Variants in HNRNPM observed in about 807,000 individuals in gnomAD.
HNRNPM encodes heterogeneous nuclear ribonucleoprotein M.
Under a neutral mutation model 73.1 loss-of-function variants are expected in HNRNPM, and 11 were observed. The ratio of observed to expected loss-of-function variants is 0.15; its 90% CI spans 0.09 to 0.25. The LOEUF (loss-of-function observed/expected upper bound fraction) is 0.25, where lower values mean the gene tolerates loss of function less well. Among genes scored for constraint, HNRNPM ranks in the 10% least tolerant of loss-of-function variants. The probability of loss-of-function intolerance (pLI) is 1.00; values close to 1 mark genes in which losing one functional copy is unlikely to be tolerated. For missense variants in HNRNPM, 789 were observed against 1,067.9 expected, an observed-to-expected ratio of 0.74 and a Z score of 3.64; for synonymous variants, 407 against 355.2, an observed-to-expected ratio of 1.15 and a Z score of -1.64.
intron 5 of HNRNPM, 88 bp downstream of exon 5, chr19:8,463,774 A>C (rs1318181688): frequency 3.4e-6 from 3 of 879,382 alleles, no homozygotes; most frequent in African/African-American, 1.7e-5. Context: ...ATGGTCCCAG[A>C]CGGCATTTAC....
intron 11 of HNRNPM, 116 bp downstream of exon 11, chr19:8,473,824 T>C: frequency 1.4e-6 from 1 of 737,552 alleles, no homozygotes; most frequent in Non-Finnish European, 2.3e-6. Context: ...TCAGTTTGAG[T>C]CTAGAAATGA....
At chr19:8,453,145 T>C (rs1013188845) in intron 1 of HNRNPM, among the ~76,000 whole-genome samples, 5 of 151,744 alleles carry the variant, frequency 3.3e-5, no homozygotes, top group Non-Finnish European at 5.9e-5. Flanking sequence ...GTGAATACTT[T>C]TGTTTGTTTG....
At chr19:8,463,395 C>T in intron 3 of HNRNPM, 102 bp from the exon 4 acceptor site, 2 of 1,288,508 alleles carry the variant, frequency 1.6e-6, no homozygotes, top group Middle Eastern at 1.9e-4. Flanking sequence ...TGACATAAAT[C>T]ATATTTTTAG....
intron 1 of HNRNPM, among the ~76,000 whole-genome samples, chr19:8,450,541 A>G (rs1968533671): frequency 6.6e-6 from 1 of 151,696 alleles, no homozygotes; most frequent in Non-Finnish European, 1.5e-5. Flanking sequence ...TTCTGAGTAA[A>G]TAGGACCACA....
chr19:8,466,182 G>A, intron 6 of HNRNPM, 53 bp from the exon 7 acceptor site: 1 of 1,527,256 alleles, frequency 6.5e-7, no homozygotes, highest in Non-Finnish European at 8.9e-7. Flanking sequence ...TAAAAATGTT[G>A]TGTTTCTTAA....
chr19:8,449,123 A>G (rs1968433863), intron 1 of HNRNPM, among the ~76,000 whole-genome samples: 1 of 152,240 alleles, frequency 6.6e-6, no homozygotes, highest in Non-Finnish European at 1.5e-5. Flanking sequence ...TGTTTATTCA[A>G]AAAGGATTTT....
At chr19:8,463,768 TC>T in intron 5 of HNRNPM, 82 bp downstream of exon 5, 1 of 927,720 alleles carries the variant, frequency 1.1e-6, no homozygotes, top group Non-Finnish European at 1.7e-6. Flanking sequence ...ACGGTCATGG[TC>T]CCAGACGGCA....
intron 12 of HNRNPM, among the ~76,000 whole-genome samples, chr19:8,476,504 T>A (rs907272424): frequency 6.6e-6 from 1 of 151,826 alleles, no homozygotes; most frequent in Non-Finnish European, 1.5e-5. Flanking sequence ...ATCAAAAGAT[T>A]GTTAAATGTC....
At chr19:8,475,751 AT>A (rs1027734656) in intron 12 of HNRNPM, among the ~76,000 whole-genome samples, 6 of 152,134 alleles carry the variant, frequency 3.9e-5, no homozygotes, top group African/African-American at 1.4e-4. Context: ...AGTTTCAGAA[AT>A]CTGGCTTGGT....
rs377522694 is a variant in HNRNPM, at chr19:8,463,573, G to A, written c.345-20G>A. 3.7e-6 allele frequency: 6 copies of A among 1,612,458 alleles called. No homozygotes were observed. The highest frequency in any genetic ancestry group is 1.6e-4 in the Middle Eastern group (1 of 6,082). ...TTGTAGGACTGGTTTCACTCGACTCGTTTCCTTTTGACTCTATAGTGTTGT... is the reference window on the plus strand; with the variant it reads ...TTGTAGGACTGGTTTCACTCGACTCATTTCCTTTTGACTCTATAGTGTTGT... On this transcript the variant is annotated intron_variant, in intron 4 of 15. Coordinates refer to ENST00000325495, the MANE Select transcript of HNRNPM (RefSeq NM_005968.5).
intron 2 of HNRNPM, among the ~76,000 whole-genome samples, chr19:8,460,714 G>A (rs751682032): frequency 3.3e-5 from 5 of 152,232 alleles, no homozygotes; most frequent in African/African-American, 4.8e-5. Flanking sequence ...ACTGGGACTT[G>A]AATTTCGGCA....
rs1462715017 is a variant in HNRNPM, at chr19:8,454,687, T to C, written c.114-718T>C. ...CATCATTTTATGCCCCCCCCCCCTTTTTTTTTTTAACACTATGAAAGACAC... is the reference window on the plus strand; with the variant it reads ...CATCATTTTATGCCCCCCCCCCCTTCTTTTTTTTAACACTATGAAAGACAC... On this transcript the variant is annotated intron_variant, in intron 1 of 15. Coordinates refer to ENST00000325495, the MANE Select transcript of HNRNPM (RefSeq NM_005968.5). 9.1e-3 allele frequency among the ~76,000 whole-genome samples: 730 copies of C among 79,858 alleles called. 13 individuals carry two copies. Among genetic ancestry groups the C allele is most frequent in the African/African-American group, 0.023 (641 of 27,970 alleles). The allele number at this position is 79,858 out of a possible 152,430, so 52.4% of individuals were successfully genotyped here. A position where few individuals can be genotyped will look rare whatever the true frequency, so the allele number is the denominator to read the frequency against.
At chr19:8,474,339 T>G in intron 12 of HNRNPM, 95 bp downstream of exon 12, 1 of 708,854 alleles carries the variant, frequency 1.4e-6, no homozygotes, top group Non-Finnish European at 2.2e-6. Context: ...AATAAGTGGT[T>G]TCTCACTTCT....
intron 2 of HNRNPM, among the ~76,000 whole-genome samples, chr19:8,460,816 T>G (rs566743319): frequency 1.3e-4 from 20 of 152,312 alleles, no homozygotes; most frequent in East Asian, 1.2e-3. Context: ...GAAATCAACT[T>G]GGGGCCTCTT....
chr19:8,476,535 A>G (rs1259818138), intron 12 of HNRNPM, among the ~76,000 whole-genome samples: 4 of 150,528 alleles, frequency 2.7e-5, no homozygotes, highest in Non-Finnish European at 5.9e-5. Flanking sequence ...GGTGGCTCAC[A>G]CCTGTAATCC....
At chr19:8,488,628 C>G in intron 15 of HNRNPM, 63 bp from the exon 16 acceptor site, 1 of 1,505,958 alleles carries the variant, frequency 6.6e-7, no homozygotes, top group Non-Finnish European at 9.1e-7. Context: ...CTTTTTGACT[C>G]TGTCCACCAA....
chr19:8,486,389 A>G lies in HNRNPM; in HGVS notation c.1961A>G (p.Gln654Arg). ...HAPGVARKAC[Q>R]IFVRNLPFDF... ...CCTGGGGTGGCCAGGAAGGCCTGCC[A>G]GATATTTGTGAGAAATGTAAGTGGC... The change falls in exon 14 of 16, where the codon CAG becomes CGG. Residue 654 changes from glutamine (Q) to arginine (R), a missense_variant. Transcript: ENST00000325495. The G allele has an allele frequency of 6.4e-7, 1 of 1,567,918 alleles. No homozygotes were observed. Among genetic ancestry groups the G allele is most frequent in the Non-Finnish European group, 8.6e-7 (1 of 1,163,418 alleles).
intron 7 of HNRNPM, 84 bp downstream of exon 7, chr19:8,466,472 G>GACTGTGTGTATTC (rs58164016): frequency 0.027 from 35,171 of 1,322,568 alleles, 764 homozygotes; most frequent in Non-Finnish European, 0.03. Context: ...AGGAAGAGGT[G>GACTGTGTGTATTC]ACTGTGTGTA....
At chr19:8,468,070 T>C (rs531063919) in intron 8 of HNRNPM, among the ~76,000 whole-genome samples, 1 of 152,322 alleles carries the variant, frequency 6.6e-6, no homozygotes, top group Admixed American at 6.5e-5. Context: ...TCATGGCAGC[T>C]CTTGACTGCA....
Sources: gnomAD v4.1 joint callset for allele counts (sites outside exome capture counted in the v4.1 genomes callset) on GRCh38, gnomAD v4.1.1 for gene constraint, MANE v1.5 for transcripts, NCBI Gene and HGNC (gene_info 2026-07-23, HGNC 2026-07-21) for gene names.